ENOX1: variants seen among roughly 807,000 people sequenced by gnomAD.
The protein encoded by ENOX1 is candidate growth-related and time keeping constitutive hydroquinone (NADH) oxidase.
In ENOX1, 42 loss-of-function variants were observed where a neutral mutation model predicts 82.5. The observed-to-expected ratio is 0.51, with a 90% CI of 0.40 to 0.66. The LOEUF is 0.66. Ranked by LOEUF, ENOX1 falls within the 30% of genes least tolerant of loss-of-function variation. The pLI is 0.00. For synonymous variants in ENOX1, 271 were observed against 282.2 expected, an observed-to-expected ratio of 0.96 and a Z score of 0.40; for missense variants, 608 against 811.6, an observed-to-expected ratio of 0.75 and a Z score of 3.05.
At chr13:43,228,313 G>A (rs1282608028) in intron 15 of ENOX1, among the ~76,000 whole-genome samples, 1 of 151,982 alleles carries the variant, frequency 6.6e-6, no homozygotes, top group African/African-American at 2.4e-5. Context: ...GATCTCCAAG[G>A]GGATGGCTCA....
chr13:43,655,683 C>T (rs918536322), intron 2 of ENOX1, among the ~76,000 whole-genome samples: 2 of 152,106 alleles, frequency 1.3e-5, no homozygotes, highest in East Asian at 3.9e-4. Flanking sequence ...TCCTTTGATT[C>T]TCCTCTTCCT....
At chr13:43,227,441 T>A (rs572884023) in intron 15 of ENOX1, among the ~76,000 whole-genome samples, 99 of 152,352 alleles carry the variant, frequency 6.5e-4, no homozygotes, top group African/African-American at 2.3e-3. Flanking sequence ...GTTTAAAAAT[T>A]CTATTAGTCT....
At chr13:43,540,379 T>C (rs2153693477) in intron 2 of ENOX1, among the ~76,000 whole-genome samples, 1 of 152,310 alleles carries the variant, frequency 6.6e-6, no homozygotes, top group East Asian at 1.9e-4. Context: ...AATATGCTTC[T>C]ATTAAAGATT....
intron 14 of ENOX1, among the ~76,000 whole-genome samples, chr13:43,263,959 A>C (rs1227293121): frequency 6.6e-6 from 1 of 152,238 alleles, no homozygotes; most frequent in Non-Finnish European, 1.5e-5. Context: ...TATGTCTCAC[A>C]ACATTGCCTA....
At chr13:43,528,117 G>C (rs1459916544) in intron 2 of ENOX1, among the ~76,000 whole-genome samples, 1 of 152,074 alleles carries the variant, frequency 6.6e-6, no homozygotes, top group Non-Finnish European at 1.5e-5. Flanking sequence ...TCATATGAGT[G>C]TGTTTCCTTT....
chr13:43,399,455 A>C (rs2053364488), intron 5 of ENOX1, among the ~76,000 whole-genome samples: 1 of 152,184 alleles, frequency 6.6e-6, no homozygotes. Flanking sequence ...CATTTTCTAC[A>C]GGGGCCAAGT....
chr13:43,499,389 A>G lies in ENOX1; in HGVS notation c.-218-15237T>C, dbSNP rs540405779. Among the ~76,000 whole-genome samples, 6 of 152,304 alleles carry G rather than the reference A, an allele frequency of 3.9e-5. No homozygotes were observed. The East Asian group carries it at 1.2e-3, about 29-fold the overall frequency. On this transcript the variant is annotated intron_variant, in intron 2 of 16. Coordinates refer to ENST00000690772, the MANE Select transcript of ENOX1 (RefSeq NM_001347969.2). ...GGGCAAGCAAGAGTAATTTGGAAAC[A>G]TCTTTGGTAACAGCTATAACCACTA...
At chr13:43,236,330 CAG>C (rs2042549814) in intron 15 of ENOX1, among the ~76,000 whole-genome samples, 1 of 152,126 alleles carries the variant, frequency 6.6e-6, no homozygotes, top group Non-Finnish European at 1.5e-5. Flanking sequence ...ACCTGGCCTC[CAG>C]TTGGAAGTGA....
At chr13:43,257,610 T>C (rs1392267088) in intron 14 of ENOX1, among the ~76,000 whole-genome samples, 1 of 152,214 alleles carries the variant, frequency 6.6e-6, no homozygotes, top group African/African-American at 2.4e-5. Flanking sequence ...AGTGGTGAGA[T>C]GGCAAATGGT....
Position 43,786,489 on chromosome 13 carries a change from C to CAGGGGGAGG in ENOX1, c.-285+162_-285+163insCCTCCCCCT, listed in dbSNP as rs1952635849. 6.6e-6 allele frequency among the ~76,000 whole-genome samples: 1 copy of CAGGGGGAGG among 151,842 alleles called. No homozygotes were observed. The highest frequency in any genetic ancestry group is 1.5e-5 in the Non-Finnish European group (1 of 67,914). On this transcript the variant is annotated intron_variant, in intron 1 of 16. Transcript: ENST00000690772. The surrounding 1 kb of genome is among the most constrained non-coding windows in gnomAD (Gnocchi z 6.0). ...GGCTGCACCGAAGCCCCCACGCGTC[C>CAGGGGGAGG]ACGCACCCCTCCTCACCAGCCTCAC...
chr13:43,218,027 A>C (rs936212426), intron 16 of ENOX1, among the ~76,000 whole-genome samples: 1 of 152,092 alleles, frequency 6.6e-6, no homozygotes, highest in African/African-American at 2.4e-5. Flanking sequence ...CCCCCCAAAA[A>C]CCACTTTACA....
intron 1 of ENOX1, among the ~76,000 whole-genome samples, chr13:43,759,925 T>G (rs1950872227): frequency 1.3e-5 from 2 of 152,212 alleles, no homozygotes; most frequent in Non-Finnish European, 2.9e-5. Flanking sequence ...GCTACAACTG[T>G]AAGCAAGAGT....
intron 1 of ENOX1, among the ~76,000 whole-genome samples, chr13:43,727,860 GT>G (rs1336248899): frequency 1.3e-5 from 2 of 152,110 alleles, no homozygotes; most frequent in Non-Finnish European, 2.9e-5. Flanking sequence ...AGAAGTCAAA[GT>G]TTTAAAAAGG....
intron 2 of ENOX1, among the ~76,000 whole-genome samples, chr13:43,488,185 C>T (rs975770408): frequency 3.3e-5 from 5 of 152,150 alleles, no homozygotes; most frequent in African/African-American, 1.2e-4. Context: ...TCAGGTGTTG[C>T]CAATGTGATA....
chr13:43,278,122 C>T (rs2045166959), intron 12 of ENOX1, among the ~76,000 whole-genome samples: 1 of 152,218 alleles, frequency 6.6e-6, no homozygotes, highest in Non-Finnish European at 1.5e-5. Context: ...TTCCTCATAA[C>T]AATCTTTTGC....
intron 2 of ENOX1, among the ~76,000 whole-genome samples, chr13:43,559,383 T>C (rs2079573220): frequency 6.6e-6 from 1 of 152,182 alleles, no homozygotes; most frequent in Non-Finnish European, 1.5e-5. Context: ...TAAACTGCAA[T>C]GGAATTCAGT....
chr13:43,217,968 C>T (rs541040103), intron 16 of ENOX1, among the ~76,000 whole-genome samples: 2 of 152,290 alleles, frequency 1.3e-5, no homozygotes, highest in East Asian at 3.9e-4. Context: ...GTGCCAGGTA[C>T]TGTTCTGGAA....
intron 16 of ENOX1, 64 bp downstream of exon 16, chr13:43,223,989 C>T: frequency 8.0e-7 from 1 of 1,251,674 alleles, no homozygotes; most frequent in Non-Finnish European, 1.2e-6. Flanking sequence ...CAGAGTCCAC[C>T]TGCAGGCAGC....
intron 16 of ENOX1, among the ~76,000 whole-genome samples, chr13:43,223,235 T>C (rs1384515899): frequency 6.6e-6 from 1 of 152,166 alleles, no homozygotes; most frequent in African/African-American, 2.4e-5. Context: ...TCTTACTTAT[T>C]TCCATTTTCC....
Sources: allele counts gnomAD v4.1 joint callset (sites outside exome capture counted in the v4.1 genomes callset), GRCh38; gene constraint gnomAD v4.1.1; non-coding constraint Gnocchi (gnomAD v3.1); transcripts MANE v1.5; gene names NCBI Gene and HGNC (gene_info 2026-07-23, HGNC 2026-07-21).